Variants in HDAC4 observed in about 807,000 individuals in gnomAD.
The protein encoded by HDAC4 is histone deacetylase A.
HDAC4 carries 16 observed loss-of-function variants against 135.1 expected under a neutral mutation model. The ratio of observed to expected loss-of-function variants is 0.12; its 90% confidence interval spans 0.08 to 0.18. The LOEUF is 0.18. HDAC4 is among the 10% of genes least tolerant of loss of function. The probability of loss-of-function intolerance (pLI) is 1.00; values close to 1 mark genes in which losing one functional copy is unlikely to be tolerated. For synonymous variants in HDAC4, 685 were observed against 653.4 expected (o/e 1.05, Z -0.74); for missense variants, 1,143 against 1,511.8 (o/e 0.76, Z 4.05).
intron 2 of HDAC4, among the ~76,000 whole-genome samples, chr2:239,290,708 ACACTCACATACG>A (rs2051428504): frequency 1.3e-5 from 2 of 151,780 alleles, no homozygotes; most frequent in African/African-American, 2.4e-5. Flanking sequence ...ACGCACGCAC[ACACTCACATACG>A]CACTCACGTA....
chr2:239,318,958 G>C (rs1489137087), intron 2 of HDAC4, among the ~76,000 whole-genome samples: 2 of 152,062 alleles, frequency 1.3e-5, no homozygotes, highest in East Asian at 3.9e-4. Flanking sequence ...CCAAGGAACG[G>C]AACAGCCCCA....
intron 2 of HDAC4, among the ~76,000 whole-genome samples, chr2:239,258,641 C>G (rs2049179667): frequency 1.3e-5 from 2 of 152,192 alleles, no homozygotes; most frequent in Non-Finnish European, 2.9e-5. Context: ...ATTCTCACAC[C>G]TGATCTCAGA....
intron 2 of HDAC4, among the ~76,000 whole-genome samples, chr2:239,337,959 A>T (rs939059596): frequency 2.0e-5 from 3 of 152,136 alleles, no homozygotes; most frequent in African/African-American, 7.2e-5. Context: ...AAGGGGAGAA[A>T]GAGGTGGATC....
chr2:239,158,398 G>A (rs1342403920), intron 6 of HDAC4, among the ~76,000 whole-genome samples: 1 of 152,080 alleles, frequency 6.6e-6, no homozygotes, highest in Non-Finnish European at 1.5e-5. Flanking sequence ...TTAAATAAAT[G>A]GAATAAAAAT....
chr2:239,215,049 A>G (rs2046554259), intron 3 of HDAC4, among the ~76,000 whole-genome samples: 1 of 152,200 alleles, frequency 6.6e-6, no homozygotes, highest in Non-Finnish European at 1.5e-5. Context: ...TCCAGGCGGG[A>G]GCAGACATTC....
chr2:239,184,432 G>A (rs2044369779), intron 4 of HDAC4, among the ~76,000 whole-genome samples: 2 of 144,982 alleles, frequency 1.4e-5, no homozygotes, highest in South Asian at 2.2e-4. Flanking sequence ...GTCCCTCAGT[G>A]TCTGTCCTGG....
intron 2 of HDAC4, among the ~76,000 whole-genome samples, chr2:239,321,684 G>C (rs2053317960): frequency 6.6e-6 from 1 of 152,010 alleles, no homozygotes; most frequent in South Asian, 2.1e-4. Flanking sequence ...TCAGAGTACA[G>C]GATGCTTTTC....
chr2:239,313,927 T>C lies in HDAC4; in HGVS notation c.22+38751A>G, dbSNP rs940733128. 3.3e-5 allele frequency among the ~76,000 whole-genome samples: 5 copies of C among 152,070 alleles called. No homozygotes were observed. The highest frequency in any genetic ancestry group is 3.3e-4 in the Admixed American group (5 of 15,270). ...ACTGCACCGTCCCTGTGAGTGTGCG[T>C]GGGGAGGGGCTGTAGTTCCCTTGGC... is the stretch of plus-strand genomic sequence containing the variant. On this transcript the variant is annotated intron_variant, in intron 2 of 26. Coordinates refer to ENST00000543185, the MANE Select transcript of HDAC4 (RefSeq NM_001378414.1). The surrounding 1 kb of genome is among the most constrained non-coding windows in gnomAD (Gnocchi z 5.1).
chr2:239,286,908 G>A (rs766585244), intron 2 of HDAC4, among the ~76,000 whole-genome samples: 25 of 152,102 alleles, frequency 1.6e-4, no homozygotes, highest in Non-Finnish European at 2.9e-4. Context: ...ACATACACAC[G>A]CAAGGACTGT....
chr2:239,100,361 A>G (rs2037500130), intron 16 of HDAC4, among the ~76,000 whole-genome samples: 1 of 152,162 alleles, frequency 6.6e-6, no homozygotes, highest in African/African-American at 2.4e-5. Context: ...TTCCAGTCTG[A>G]GGAGGATTTT....
chr2:239,232,472 C>T (rs569897344), intron 3 of HDAC4, among the ~76,000 whole-genome samples: 3 of 152,266 alleles, frequency 2.0e-5, no homozygotes, highest in East Asian at 1.9e-4. Context: ...CACGAGCTCC[C>T]GCCCCCACCC....
intron 1 of HDAC4, among the ~76,000 whole-genome samples, chr2:239,384,271 A>C (rs1161473992): frequency 6.6e-6 from 1 of 151,912 alleles, no homozygotes; most frequent in Non-Finnish European, 1.5e-5. Context: ...CCACATTCGA[A>C]ATGACATATT....
At chr2:239,338,178 G>A (rs1575714091) in intron 2 of HDAC4, among the ~76,000 whole-genome samples, 1 of 152,180 alleles carries the variant, frequency 6.6e-6, no homozygotes, top group Non-Finnish European at 1.5e-5. Context: ...CCAGCTGGAC[G>A]TGTTTTATCT....
At chr2:239,399,263 T>G (rs982653662) in intron 1 of HDAC4, among the ~76,000 whole-genome samples, 1 of 152,274 alleles carries the variant, frequency 6.6e-6, no homozygotes, top group Non-Finnish European at 1.5e-5. Context: ...GGTGGCATTT[T>G]GCATTTCCAA....
chr2:239,053,254 T>A (rs1251675967), intron 26 of HDAC4, 118 bp from the exon 27 acceptor site: 25 of 1,414,556 alleles, frequency 1.8e-5, no homozygotes, highest in Admixed American at 1.1e-4. Context: ...AGCCCTGGCC[T>A]GGCAGCCCCG....
intron 3 of HDAC4, among the ~76,000 whole-genome samples, chr2:239,228,491 G>A (rs753487080): frequency 2.0e-4 from 30 of 152,286 alleles, no homozygotes; most frequent in Non-Finnish European, 3.2e-4. Flanking sequence ...GCCCCGCAGT[G>A]TTTCCAGAGA....
intron 24 of HDAC4, among the ~76,000 whole-genome samples, chr2:239,060,003 T>A (rs2032446739): frequency 6.6e-6 from 1 of 152,220 alleles, no homozygotes; most frequent in Admixed American, 6.5e-5. Context: ...TGGACTGTGC[T>A]GGGCAACACA....
At position 239,303,679 on chromosome 2, in the gene HDAC4, T is replaced by C. The variant is rs1037562407; in HGVS notation, c.22+48999A>G. 5.9e-5 allele frequency among the ~76,000 whole-genome samples: 9 copies of C among 152,176 alleles called. No homozygotes were observed. Among genetic ancestry groups the C allele is most frequent in the Non-Finnish European group, 1.2e-4 (8 of 68,020 alleles). On this transcript the variant is annotated intron_variant, in intron 2 of 26. Transcript: ENST00000543185. The surrounding 1 kb of genome is among the most constrained non-coding windows in gnomAD (Gnocchi z 5.1). The stretch of plus-strand genomic sequence containing the variant: ...AAAAAATTCAAGTCAGCCCTGATGC[T>C]GTCCATGTTTTTTGTAAAACTTGCT...
At chr2:239,218,080 AG>A (rs543429816) in intron 3 of HDAC4, among the ~76,000 whole-genome samples, 32 of 152,328 alleles carry the variant, frequency 2.1e-4, no homozygotes, top group African/African-American at 6.0e-4. Flanking sequence ...CGACAGAGTG[AG>A]GCCCCAGCTC....
Sources: gnomAD v4.1 joint callset for allele counts (sites outside exome capture counted in the v4.1 genomes callset) on GRCh38, gnomAD v4.1.1 for gene constraint, Gnocchi (gnomAD v3.1) non-coding constraint, MANE v1.5 for transcripts, NCBI Gene and HGNC (gene_info 2026-07-23, HGNC 2026-07-21) for gene names.